Variants in PIK3C2G observed in about 807,000 individuals in gnomAD.
PIK3C2G encodes the protein phosphatidylinositol-4-phosphate 3-kinase catalytic subunit type 2 gamma.
PIK3C2G carries 168 observed loss-of-function variants against 181.1 expected under a neutral mutation model. The observed-to-expected ratio is 0.93, with a 90% CI of 0.82 to 1.05. The LOEUF (loss-of-function observed/expected upper bound fraction) is 1.05, where lower values mean the gene tolerates loss of function less well. PIK3C2G is among the 50% of genes least tolerant of loss of function. The pLI, the probability that PIK3C2G is intolerant of heterozygous loss-of-function variation, is 0.00. For synonymous variants in PIK3C2G, 573 were observed against 592.2 expected, an observed-to-expected ratio of 0.97 and a Z score of 0.47; for missense variants, 1,869 against 1,732.8, an observed-to-expected ratio of 1.08 and a Z score of -1.40.
At chr12:18,602,970 A>G (rs1947816435) in intron 30 of PIK3C2G, among the ~76,000 whole-genome samples, 2 of 152,152 alleles carry the variant, frequency 1.3e-5, no homozygotes, top group Non-Finnish European at 2.9e-5. Flanking sequence ...AGGCTCATCA[A>G]CACCCACTAA....
chr12:18,268,722 A>G (rs1257445123), intron 1 of PIK3C2G, among the ~76,000 whole-genome samples: 2 of 152,170 alleles, frequency 1.3e-5, no homozygotes, highest in African/African-American at 4.8e-5. Context: ...TTAAAAAATA[A>G]TTTTATGTGG....
At chr12:18,659,811 C>T in the PIK3C2G span, among the ~76,000 whole-genome samples, 1 of 151,786 alleles carries the variant, frequency 6.6e-6, no homozygotes, top group East Asian at 1.9e-4. Context: ...TCACCTAATG[C>T]TAAAATAAAG....
chr12:18,658,563 G>A, the PIK3C2G span, among the ~76,000 whole-genome samples: 90,165 of 151,804 alleles, frequency 0.59, 26,908 homozygotes, highest in Middle Eastern at 0.76. Context: ...TCAACCAAGA[G>A]ATCTATATTT....
the PIK3C2G span, among the ~76,000 whole-genome samples, chr12:18,669,958 G>A: frequency 3.3e-5 from 5 of 152,116 alleles, no homozygotes; most frequent in South Asian, 4.2e-4. Context: ...GTGAGCCACC[G>A]CGCCCGGCCC....
chr12:18,427,519 A>C (rs1413266674), intron 18 of PIK3C2G, among the ~76,000 whole-genome samples: 1 of 149,690 alleles, frequency 6.7e-6, no homozygotes, highest in Non-Finnish European at 1.5e-5. Flanking sequence ...AAAAAAAAAA[A>C]GTTTTAAAAG....
intron 18 of PIK3C2G, among the ~76,000 whole-genome samples, chr12:18,444,904 C>A (rs1487877144): frequency 6.6e-6 from 1 of 152,000 alleles, no homozygotes; most frequent in East Asian, 1.9e-4. Flanking sequence ...TTGTCCTTAC[C>A]CATAATTAAA....
downstream of PIK3C2G, among the ~76,000 whole-genome samples, chr12:18,652,495 G>C (rs1456765475): frequency 2.0e-5 from 3 of 152,148 alleles, no homozygotes; most frequent in African/African-American, 7.2e-5. Context: ...AGCCTCCAAA[G>C]CTGTGGGGGA....
At chr12:18,714,446 C>T in the PIK3C2G span, among the ~76,000 whole-genome samples, 1 of 151,962 alleles carries the variant, frequency 6.6e-6, no homozygotes, top group Non-Finnish European at 1.5e-5. Context: ...TATTAGAAAA[C>T]ATGGGAACTG....
At chr12:18,673,618 A>G in the PIK3C2G span, among the ~76,000 whole-genome samples, 1 of 152,200 alleles carries the variant, frequency 6.6e-6, no homozygotes, top group Non-Finnish European at 1.5e-5. Context: ...GCAGCTTAAA[A>G]GAATACGCAT....
chr12:18,430,000 A>G (rs889645301), intron 18 of PIK3C2G, among the ~76,000 whole-genome samples: 1 of 152,030 alleles, frequency 6.6e-6, no homozygotes, highest in Non-Finnish European at 1.5e-5. Context: ...GTTAGACTTG[A>G]CCCGAGATCT....
chr12:18,389,014 A>G (rs1246706119), intron 14 of PIK3C2G, among the ~76,000 whole-genome samples: 1 of 152,198 alleles, frequency 6.6e-6, no homozygotes, highest in Non-Finnish European at 1.5e-5. Context: ...GTCATGGCGC[A>G]TGCAATGTTG....
intron 15 of PIK3C2G, among the ~76,000 whole-genome samples, chr12:18,396,773 A>G (rs2138097483): frequency 6.6e-6 from 1 of 151,766 alleles, no homozygotes; most frequent in Admixed American, 6.5e-5. Flanking sequence ...AGGAAAATTA[A>G]AGAAAATCTA....
intron 24 of PIK3C2G, among the ~76,000 whole-genome samples, chr12:18,522,890 A>G (rs1413532686): frequency 2.0e-5 from 3 of 152,010 alleles, no homozygotes; most frequent in Non-Finnish European, 4.4e-5. Flanking sequence ...TTCACTTGAC[A>G]GTGGCTCTTA....
chr12:18,298,381 T>A (rs1005178826), intron 5 of PIK3C2G, among the ~76,000 whole-genome samples: 3 of 150,920 alleles, frequency 2.0e-5, no homozygotes, highest in East Asian at 1.9e-4. Context: ...ATTATTTGTT[T>A]GTTCATTTTT....
chr12:18,677,033 G>C, the PIK3C2G span, among the ~76,000 whole-genome samples: 1 of 152,024 alleles, frequency 6.6e-6, no homozygotes, highest in Non-Finnish European at 1.5e-5. Context: ...ACAATATAAA[G>C]ATGAATGAGA....
rs544825591 is a variant in PIK3C2G at position 18,564,775 on chromosome 12, A to G, written c.3902+1277A>G. ...AAAAGCTCAACGTTTGGCTGCAAATACCACATTCAACATCAATGTTTGCCA... is the reference window on the plus strand; with the variant it reads ...AAAAGCTCAACGTTTGGCTGCAAATGCCACATTCAACATCAATGTTTGCCA... On this transcript the variant is annotated intron_variant, in intron 28 of 32. Transcript: ENST00000538779. Among the ~76,000 whole-genome samples the G allele has an allele frequency of 4.6e-5, 7 of 152,288 alleles. 1 individual carries two copies. The highest frequency in any genetic ancestry group is 1.4e-4 in the African/African-American group (6 of 41,564).
chr12:18,407,687 AC>A (rs1172361315), intron 16 of PIK3C2G, among the ~76,000 whole-genome samples: 1 of 152,106 alleles, frequency 6.6e-6, no homozygotes, highest in East Asian at 1.9e-4. Flanking sequence ...AAAGAACCAA[AC>A]CTTTCTTCAA....
chr12:18,560,174 A>T (rs1156242531), intron 26 of PIK3C2G, among the ~76,000 whole-genome samples: 2 of 151,998 alleles, frequency 1.3e-5, no homozygotes, highest in East Asian at 3.9e-4. Flanking sequence ...AACAGATAGG[A>T]AAGCCCCAGA....
chr12:18,638,951 CAAA>C (rs779064940), intron 31 of PIK3C2G, among the ~76,000 whole-genome samples: 3 of 97,574 alleles, frequency 3.1e-5, no homozygotes, highest in African/African-American at 7.6e-5. Context: ...CTCTTCTCAC[CAAA>C]AAAAAAAAAA....
Sources: allele counts gnomAD v4.1 joint callset (sites outside exome capture counted in the v4.1 genomes callset), GRCh38; gene constraint gnomAD v4.1.1; transcripts MANE v1.5; gene names NCBI Gene and HGNC (gene_info 2026-07-23, HGNC 2026-07-21).